Variants in PCDHGA5 observed in about 807,000 individuals in gnomAD.
The protein encoded by PCDHGA5 is protocadherin gamma-A5.
PCDHGA5 carries 36 observed loss-of-function variants against 56.7 expected under a neutral mutation model. The observed-to-expected ratio is 0.64, with a 90% CI of 0.49 to 0.84. The LOEUF is 0.84. Ranked by LOEUF, PCDHGA5 falls within the 40% of genes least tolerant of loss-of-function variation. The pLI, the probability that PCDHGA5 is intolerant of heterozygous loss-of-function variation, is 0.00. For missense variants in PCDHGA5, 1,305 were observed against 1,201.5 expected (o/e 1.09, Z -1.27); for synonymous variants, 563 against 520.2 (o/e 1.08, Z -1.12).
chr5:141,379,992 T>G (rs1776127891), intron 1 of PCDHGA5, among the ~76,000 whole-genome samples: 1 of 144,024 alleles, frequency 6.9e-6, no homozygotes, highest in South Asian at 2.4e-4. Flanking sequence ...TTCCTCCTCC[T>G]GGGTTCAAGC....
At chr5:141,413,081 C>CAG in intron 1 of PCDHGA5, 1 of 1,339,426 alleles carries the variant, frequency 7.5e-7, no homozygotes, top group South Asian at 1.5e-5. Flanking sequence ...GCCCAGGCTA[C>CAG]AGAGACACCC....
At chr5:141,413,767 C>A in intron 1 of PCDHGA5, 1 of 1,612,972 alleles carries the variant, frequency 6.2e-7, no homozygotes, top group South Asian at 1.1e-5. Flanking sequence ...GTACCCGGAG[C>A]TGGTACTGGA....
At chr5:141,443,055 C>G (rs994152277) in intron 1 of PCDHGA5, among the ~76,000 whole-genome samples, 1 of 152,208 alleles carries the variant, frequency 6.6e-6, no homozygotes, top group Non-Finnish European at 1.5e-5. Flanking sequence ...TATTGTTCCA[C>G]TGAAGAGCGT....
chr5:141,394,263 A>C lies in PCDHGA5; in HGVS notation c.2421+27512A>C, dbSNP rs745926581. The C allele has an allele frequency of 2.5e-6, 4 of 1,613,766 alleles. No homozygotes were observed. In the African/African-American group the frequency reaches 5.3e-5, roughly 22 times the overall value. On this transcript the variant is annotated intron_variant, in intron 1 of 3. Coordinates refer to ENST00000518069, the MANE Select transcript of PCDHGA5 (RefSeq NM_018918.3). ...TGCACACGACCCCGACAGCCAGGAG[A>C]ATGCCCAGGTCACTTACTCTGTGAC...
At chr5:141,466,827 T>C (rs1414741980) in intron 1 of PCDHGA5, among the ~76,000 whole-genome samples, 1 of 152,194 alleles carries the variant, frequency 6.6e-6, no homozygotes, top group Admixed American at 6.5e-5. Context: ...AACAAGTTAG[T>C]ATGGGTTTAT....
Position 141,496,980 on chromosome 5 carries a change from G to A in PCDHGA5, c.2480+2115G>A, listed in dbSNP as rs186715298. On this transcript the variant is annotated intron_variant, in intron 2 of 3. Coordinates refer to ENST00000518069, the MANE Select transcript of PCDHGA5 (RefSeq NM_018918.3). ...GTGGGTAGATCACTTGAGGTCAGGG[G>A]TTTGAGACCAGCCTGGCAGCCAACA... Among the ~76,000 whole-genome samples the A allele has an allele frequency of 1.6e-3, 236 of 152,074 alleles. 2 individuals are homozygous for A. Among genetic ancestry groups the A allele is most frequent in the South Asian group, 7.5e-3 (36 of 4,814 alleles).
intron 1 of PCDHGA5, among the ~76,000 whole-genome samples, 197 bp from the exon 2 acceptor site, chr5:141,494,610 T>C (rs1428159953): frequency 6.6e-6 from 1 of 152,152 alleles, no homozygotes; most frequent in Non-Finnish European, 1.5e-5. Flanking sequence ...GATTTATCTC[T>C]TGGTTTCTGG....
intron 1 of PCDHGA5, chr5:141,399,067 G>A (rs774399021): frequency 4.3e-6 from 7 of 1,613,834 alleles, no homozygotes; most frequent in African/African-American, 1.3e-5. Context: ...ATATTCAATG[G>A]TTGTAGAAGG....
intron 1 of PCDHGA5, chr5:141,423,628 AT>A (rs2096762361): frequency 6.2e-7 from 1 of 1,604,844 alleles, no homozygotes; most frequent in Admixed American, 1.7e-5. Flanking sequence ...CTCAGCTATC[AT>A]TTTAGGCAAA....
chr5:141,431,114 G>T lies in PCDHGA5; in HGVS notation c.2422-63693G>T. On this transcript the variant is annotated intron_variant, in intron 1 of 3. Coordinates refer to ENST00000518069, the MANE Select transcript of PCDHGA5 (RefSeq NM_018918.3). This position sits in a 1 kb window ranked among gnomAD's most constrained non-coding sequence, Gnocchi z 4.8. The stretch of plus-strand genomic sequence containing the variant: ...GGAGGATAAAGTGAAAATATATGGA[G>T]TAGAAGTAGAAGTAAGGGACATTAA... 6.2e-7 allele frequency: 1 copy of T among 1,614,158 alleles called. No individual in the cohort carries two copies.
chr5:141,404,840 C>G lies in PCDHGA5; in HGVS notation c.2421+38089C>G, dbSNP rs377389968. ...GCACACAGGTGAAGTGCGCACAGCT[C>G]GGGCCCTGCTAGATAGAGATGCGCT... is the stretch of plus-strand genomic sequence containing the variant. On this transcript the variant is annotated intron_variant, in intron 1 of 3. Transcript: ENST00000518069. 4 of 1,613,698 alleles carry G rather than the reference C, an allele frequency of 2.5e-6. No individual in the cohort carries two copies. In the Admixed American group the frequency reaches 5.0e-5, roughly 20 times the overall value.
chr5:141,403,953 T>C, intron 1 of PCDHGA5: 1 of 1,613,860 alleles, frequency 6.2e-7, no homozygotes, highest in South Asian at 1.1e-5. Flanking sequence ...ACAAAAGTGC[T>C]CATTTCGGTG....
At chr5:141,495,499 C>T (rs918858395) in intron 2 of PCDHGA5, among the ~76,000 whole-genome samples, 13 of 152,162 alleles carry the variant, frequency 8.5e-5, no homozygotes, top group African/African-American at 2.9e-4. Context: ...CTTGAGTTTC[C>T]GTCTTTGCCA....
At chr5:141,447,023 G>GTT (rs5871773) in intron 1 of PCDHGA5, among the ~76,000 whole-genome samples, 2,010 of 151,524 alleles carry the variant, frequency 0.013, 40 homozygotes, top group African/African-American at 0.047. Context: ...GTTTTGTTTT[G>GTT]TTTTTTTTCT....
chr5:141,487,452 T>A lies in PCDHGA5; in HGVS notation c.2422-7355T>A, dbSNP rs778695562. 40 of 1,614,046 alleles carry A rather than the reference T, an allele frequency of 2.5e-5. No homozygotes were observed. The highest frequency in any genetic ancestry group is 3.4e-5 in the Non-Finnish European group (40 of 1,180,004). On this transcript the variant is annotated intron_variant, in intron 1 of 3. Coordinates refer to ENST00000518069, the MANE Select transcript of PCDHGA5 (RefSeq NM_018918.3). This position sits in a 1 kb window ranked among gnomAD's most constrained non-coding sequence, Gnocchi z 5.0. ...ATCCAGCTAGGGTCAGATGACCCTA[T>A]CAAGTTTGTTGATGTGGGAGGCCAC... is the stretch of plus-strand genomic sequence containing the variant.
chr5:141,428,029 C>T (rs775747505), intron 1 of PCDHGA5: 1 of 1,607,160 alleles, frequency 6.2e-7, no homozygotes, highest in Non-Finnish European at 8.5e-7. Flanking sequence ...GCCGCAGAGT[C>T]CGGCTACCTG....
chr5:141,414,420 C>G, intron 1 of PCDHGA5: 1 of 1,613,822 alleles, frequency 6.2e-7, no homozygotes, highest in Non-Finnish European at 8.5e-7. Flanking sequence ...GAGCCCTTGA[C>G]AGGGAACAGG....
At chr5:141,430,573 A>C (rs938248057) in intron 1 of PCDHGA5, 8 of 448,940 alleles carry the variant, frequency 1.8e-5, no homozygotes, top group Non-Finnish European at 3.0e-5. Context: ...AGAAAAGCGG[A>C]GATCCTGCTC....
intron 1 of PCDHGA5, chr5:141,384,761 TG>T (rs747704737): frequency 9.3e-6 from 15 of 1,613,968 alleles, no homozygotes; most frequent in Non-Finnish European, 1.3e-5. Flanking sequence ...GCGGTTGGGC[TG>T]TACACGGGCG....
Sources: allele counts gnomAD v4.1 joint callset (sites outside exome capture counted in the v4.1 genomes callset), GRCh38; gene constraint gnomAD v4.1.1; non-coding constraint Gnocchi (gnomAD v3.1); transcripts MANE v1.5; gene names NCBI Gene and HGNC (gene_info 2026-07-23, HGNC 2026-07-21).